Variants in CFAP95 observed in about 807,000 individuals in gnomAD.
The protein encoded by CFAP95 is cilia and flagella associated protein 95.
chr9:69,865,328 G>T, the CFAP95 span, among the ~76,000 whole-genome samples: 7 of 152,142 alleles, frequency 4.6e-5, no homozygotes, highest in Non-Finnish European at 7.3e-5. Context: ...ATACAGATGA[G>T]GAGGAGGATA....
chr9:69,836,793 A>G, the CFAP95 span, among the ~76,000 whole-genome samples: 3 of 148,612 alleles, frequency 2.0e-5, no homozygotes, highest in African/African-American at 7.5e-5. Context: ...GGTTAGTTAC[A>G]TATGTATACA....
chr9:69,835,733 T>A, the CFAP95 span, among the ~76,000 whole-genome samples: 1 of 152,240 alleles, frequency 6.6e-6, no homozygotes, highest in Admixed American at 6.5e-5. Flanking sequence ...TCTAAGAAGC[T>A]TTCTGTCAAA....
At chr9:69,876,792 G>A in the CFAP95 span, among the ~76,000 whole-genome samples, 1 of 151,868 alleles carries the variant, frequency 6.6e-6, no homozygotes, top group African/African-American at 2.4e-5. Flanking sequence ...CCGCCAGCAC[G>A]CCTGGCTAAT....
the CFAP95 span, among the ~76,000 whole-genome samples, chr9:69,856,266 G>A: frequency 5.9e-5 from 9 of 152,060 alleles, no homozygotes; most frequent in African/African-American, 2.2e-4. Context: ...CCCTGAAAAG[G>A]ATAAAGAAGG....
chr9:69,846,528 G>T, the CFAP95 span, among the ~76,000 whole-genome samples: 1 of 152,166 alleles, frequency 6.6e-6, no homozygotes, highest in Admixed American at 6.5e-5. Context: ...TGTGTATAAA[G>T]CACTGGCTCA....
At chr9:69,864,025 C>G in the CFAP95 span, among the ~76,000 whole-genome samples, 2 of 152,036 alleles carry the variant, frequency 1.3e-5, no homozygotes, top group Non-Finnish European at 2.9e-5. Flanking sequence ...GTCCATGGGG[C>G]CCTGAGTTTG....
the CFAP95 span, among the ~76,000 whole-genome samples, chr9:69,876,553 T>TTTTAAAAAA: frequency 6.6e-6 from 1 of 151,770 alleles, no homozygotes; most frequent in African/African-American, 2.4e-5. Context: ...AAAAAAAGAG[T>TTTTAAAAAA]TTTAAAAAAT....
At chr9:69,866,831 G>A in the CFAP95 span, among the ~76,000 whole-genome samples, 4,692 of 152,176 alleles carry the variant, frequency 0.031, 211 homozygotes, top group African/African-American at 0.11. Context: ...AACTACCCGG[G>A]CTCCTGGTTC....
chr9:69,845,420 A>G, the CFAP95 span, among the ~76,000 whole-genome samples: 1 of 152,228 alleles, frequency 6.6e-6, no homozygotes, highest in South Asian at 2.1e-4. Context: ...ACAGGTGATG[A>G]AAAGATTGGG....
At chr9:69,835,692 G>C in the CFAP95 span, among the ~76,000 whole-genome samples, 2 of 152,172 alleles carry the variant, frequency 1.3e-5, no homozygotes, top group African/African-American at 4.8e-5. Flanking sequence ...GTCAGACCAA[G>C]ATCACAAAGA....
the CFAP95 span, among the ~76,000 whole-genome samples, chr9:69,900,823 C>G: frequency 6.6e-6 from 1 of 152,138 alleles, no homozygotes; most frequent in Non-Finnish European, 1.5e-5. Context: ...GAGAGTTGAT[C>G]TGTTTCAAGA....
At chr9:69,867,534 C>G in the CFAP95 span, among the ~76,000 whole-genome samples, 1 of 152,090 alleles carries the variant, frequency 6.6e-6, no homozygotes, top group Non-Finnish European at 1.5e-5. Context: ...CACTTTTTTC[C>G]CTCCCTGAAC....
the CFAP95 span, among the ~76,000 whole-genome samples, chr9:69,841,925 G>A: frequency 6.6e-6 from 1 of 152,172 alleles, no homozygotes; most frequent in Non-Finnish European, 1.5e-5. Flanking sequence ...TGGGAATTAT[G>A]GGTGCTACAA....
the CFAP95 span, among the ~76,000 whole-genome samples, chr9:69,850,395 AC>A: frequency 6.6e-6 from 1 of 152,248 alleles, no homozygotes; most frequent in Non-Finnish European, 1.5e-5. Context: ...AATGAATAGT[AC>A]AAAAGTATAT....
chr9:69,860,885 G>A, the CFAP95 span, among the ~76,000 whole-genome samples: 1 of 152,068 alleles, frequency 6.6e-6, no homozygotes. Context: ...TAACATGCAT[G>A]GAGTTGTCAT....
the CFAP95 span, among the ~76,000 whole-genome samples, chr9:69,901,951 AT>A: frequency 6.6e-6 from 1 of 152,080 alleles, no homozygotes; most frequent in African/African-American, 2.4e-5. Context: ...GATGACGAGC[AT>A]TTTTTCATGT....
the CFAP95 span, among the ~76,000 whole-genome samples, chr9:69,845,318 A>G: frequency 2.6e-5 from 4 of 152,270 alleles, no homozygotes; most frequent in East Asian, 5.8e-4. Context: ...GGGTCCTACA[A>G]TGTCACGAGC....
the CFAP95 span, chr9:69,844,443 A>G: frequency 1.1e-6 from 1 of 883,220 alleles, no homozygotes; most frequent in Non-Finnish European, 1.7e-6. Context: ...TTCATTGGAT[A>G]ATTTTTAAAA....
chr9:69,832,802 G>A, the CFAP95 span, among the ~76,000 whole-genome samples: 19,226 of 149,946 alleles, frequency 0.13, 1,343 homozygotes, highest in East Asian at 0.28. Context: ...CCATTAACTC[G>A]TCATTTAACA....
Sources: allele counts gnomAD v4.1 joint callset (sites outside exome capture counted in the v4.1 genomes callset), GRCh38; gene constraint gnomAD v4.1.1; transcripts MANE v1.5; gene names NCBI Gene and HGNC (gene_info 2026-07-23, HGNC 2026-07-21).